Variants in ECE2 observed in about 807,000 individuals in gnomAD.
ECE2 encodes the protein endothelin-converting enzyme 2.
Under a neutral mutation model 100.6 loss-of-function variants are expected in ECE2, and 81 were observed. The ratio of observed to expected loss-of-function variants is 0.81; its 90% confidence interval spans 0.67 to 0.97. The LOEUF (loss-of-function observed/expected upper bound fraction) is 0.97. Among genes scored for constraint, ECE2 ranks in the 50% least tolerant of loss-of-function variants. ECE2 has a pLI of 0.00. For synonymous variants in ECE2, 391 were observed against 391.5 expected, an observed-to-expected ratio of 1.00 and a Z score of 0.02; for missense variants, 911 against 988.1, an observed-to-expected ratio of 0.92 and a Z score of 1.05.
intron 7 of ECE2, among the ~76,000 whole-genome samples, chr3:184,279,648 C>T (rs1381556943): frequency 1.8e-5 from 2 of 114,158 alleles, no homozygotes; most frequent in African/African-American, 6.7e-5. Context: ...CAGAACAAGA[C>T]TTCATCTCAA....
In ECE2 at chr3:184,289,102, C is replaced by A. The variant is rs1231060392; in HGVS notation, c.1375-335C>A. On this transcript the variant is annotated intron_variant, in intron 11 of 18. Transcript: ENST00000404464. The surrounding 1 kb of genome is among the most constrained non-coding windows in gnomAD (Gnocchi z 4.1). Reference sequence around the variant, plus strand: ...CTCGGGAGGCGGAGGTTGCAGTGAGCCGAGATTGCGCCACTGCACTCCATC... The same window carrying A: ...CTCGGGAGGCGGAGGTTGCAGTGAGACGAGATTGCGCCACTGCACTCCATC... Among the ~76,000 whole-genome samples, 2 of 151,610 alleles carry A rather than the reference C, an allele frequency of 1.3e-5. No individual in the cohort carries two copies.
chr3:184,287,853 G>A lies in ECE2; in HGVS notation c.1280G>A (p.Trp427Ter), dbSNP rs532767470. ...YGTKKSCVPRWQTCISNTDDA... is the reference protein window; with the variant it reads ...YGTKKSCVPR Reference sequence around the variant, plus strand: ...CTTTAACAGTCCTGTGTGCCGAGGTGGCAGACCTGCATCTCCAACACGGAT... The same window carrying A: ...CTTTAACAGTCCTGTGTGCCGAGGTAGCAGACCTGCATCTCCAACACGGAT... Residue 427 changes from tryptophan (W) to a stop codon, truncating the protein, a stop_gained, in exon 11 of 19, where the codon TGG becomes TAG. Coordinates refer to ENST00000404464, the MANE Select transcript of ECE2 (RefSeq NM_001100121.2). LOFTEE classifies it high-confidence loss of function. The A allele has an allele frequency of 6.2e-7, 1 of 1,614,132 alleles. No individual in the cohort carries two copies. Among genetic ancestry groups the A allele is most frequent in the Admixed American group, 1.7e-5 (1 of 60,010 alleles).
At position 184,291,838 on chromosome 3, in the gene ECE2, C is replaced by A; in HGVS notation, c.2122-224C>A. The A allele has an allele frequency of 1.7e-6, 1 of 580,436 alleles. No individual in the cohort carries two copies. The highest frequency in any genetic ancestry group is 3.0e-6 in the Non-Finnish European group (1 of 330,630). The allele number at this position is 580,436 out of a possible 1,614,324, so 36.0% of individuals were successfully genotyped here. ...TAGAGTAAGTGGCAGAGCAAGGACCCAGGCAGAGCCTCCGCTGGGCAGCCA... is the reference window on the plus strand; with the variant it reads ...TAGAGTAAGTGGCAGAGCAAGGACCAAGGCAGAGCCTCCGCTGGGCAGCCA... On this transcript the variant is annotated intron_variant, in intron 18 of 18. Transcript: ENST00000404464. This position sits in a 1 kb window ranked among gnomAD's most constrained non-coding sequence, Gnocchi z 4.1.
chr3:184,284,929 C>G (rs766791124), intron 8 of ECE2, 34 bp from the exon 9 acceptor site: 1 of 1,603,712 alleles, frequency 6.2e-7, no homozygotes, highest in Non-Finnish European at 8.5e-7. Flanking sequence ...GGAAGCGAGT[C>G]GGGCAGGCAA....
chr3:184,278,389 C>T, intron 6 of ECE2, 76 bp downstream of exon 6: 1 of 1,588,228 alleles, frequency 6.3e-7, no homozygotes, highest in Non-Finnish European at 8.6e-7. Flanking sequence ...CTGTGACAGG[C>T]AGGCTGGGCT....
rs550134134 is a variant in ECE2, at chr3:184,283,188, T to C, written c.817-597T>C. 2.6e-5 allele frequency among the ~76,000 whole-genome samples: 4 copies of C among 152,222 alleles called. No homozygotes were observed. The South Asian group carries it at 8.3e-4, about 32-fold the overall frequency. On this transcript the variant is annotated intron_variant, in intron 7 of 18. Transcript: ENST00000404464. ...TCTAGTCCCTAGAGACAGCAGTGAG[T>C]AAGCTGCTGTAACTTGGAACAATGC... is the stretch of plus-strand genomic sequence containing the variant.
At chr3:184,277,103 T>A in intron 3 of ECE2, 76 bp downstream of exon 3, 1 of 1,604,600 alleles carries the variant, frequency 6.2e-7, no homozygotes, top group Middle Eastern at 1.7e-4. Flanking sequence ...AGATTTTCAC[T>A]TGTGGGAACC....
At chr3:184,290,487 G>T in intron 14 of ECE2, 70 bp from the exon 15 acceptor site, 1 of 1,571,042 alleles carries the variant, frequency 6.4e-7, no homozygotes, top group Non-Finnish European at 8.7e-7. Context: ...AGGAGGTAGG[G>T]CAGGGCTGTT....
chr3:184,285,410 G>A lies in ECE2; in HGVS notation c.1149-68G>A. On this transcript the variant is annotated intron_variant, in intron 9 of 18. Transcript: ENST00000404464. ...GACTCCTGCAACTTGCATGTTCCTG[G>A]GGGCTGGTTTGAGGGGTGTGAAGGG... 4.0e-6 allele frequency: 5 copies of A among 1,244,150 alleles called. No individual in the cohort carries two copies. The South Asian group carries it at 6.0e-5, about 15-fold the overall frequency. 77.1% of individuals were successfully genotyped at this position (1,244,150 alleles called of 1,614,324 possible).
At position 184,291,387 on chromosome 3, in the gene ECE2, T is replaced by C. The variant is rs1482834826; in HGVS notation, c.2069T>C (p.Leu690Pro). 3 of 1,608,548 alleles carry C rather than the reference T, an allele frequency of 1.9e-6. No homozygotes were observed. In the African/African-American group the frequency reaches 4.0e-5, roughly 21 times the overall value. Residue 690 changes from leucine (L) to proline (P), a missense_variant, in exon 18 of 19, where the codon CTG (leucine) becomes CCG (proline). Coordinates refer to ENST00000404464, the MANE Select transcript of ECE2 (RefSeq NM_001100121.2). This position sits in a 1 kb window ranked among gnomAD's most constrained non-coding sequence, Gnocchi z 4.1. The stretch of plus-strand genomic sequence containing the variant: ...AGAAAGCATGGGGAGGAGCAGCAAC[T>C]GCCAGCCGTGGGGCTCACCAACCAC... ...WLRKHGEEQQ[L>P]PAVGLTNHQL...
At chr3:184,287,699 A>G in intron 10 of ECE2, 138 bp from the exon 11 acceptor site, 1 of 682,694 alleles carries the variant, frequency 1.5e-6, no homozygotes, top group Non-Finnish European at 2.5e-6. Flanking sequence ...TGTCTCAAAA[A>G]AAGACAGATG....
intron 7 of ECE2, among the ~76,000 whole-genome samples, chr3:184,281,261 C>T (rs150564554): frequency 7.9e-5 from 12 of 152,314 alleles, no homozygotes; most frequent in Non-Finnish European, 1.3e-4. Context: ...TAAAACAGTT[C>T]GCTACACAGT....
chr3:184,291,375 A>G lies in ECE2; in HGVS notation c.2057A>G (p.Glu686Gly), dbSNP rs1211927147. ...AYKAWLRKHG[E>G]EQQLPAVGLT... ...AAAGCATGGCTGAGAAAGCATGGGG[A>G]GGAGCAGCAACTGCCAGCCGTGGGG... The change falls in exon 18 of 19, where the codon GAG becomes GGG. Residue 686 changes from glutamate to glycine, a missense_variant. Physicochemically the swap from Glu to Gly is moderately conservative, Grantham distance 98 (BLOSUM62 -2). Transcript: ENST00000404464. This position sits in a 1 kb window ranked among gnomAD's most constrained non-coding sequence, Gnocchi z 4.1. 7 of 1,608,986 alleles carry G rather than the reference A, an allele frequency of 4.4e-6. No homozygotes were observed. Among genetic ancestry groups the G allele is most frequent in the Non-Finnish European group, 5.9e-6 (7 of 1,177,374 alleles).
intron 7 of ECE2, among the ~76,000 whole-genome samples, chr3:184,281,754 C>T (rs1720821807): frequency 6.6e-6 from 1 of 152,200 alleles, no homozygotes; most frequent in Non-Finnish European, 1.5e-5. Context: ...AGGAAGCCTC[C>T]TGTGCTGGGA....
At chr3:184,288,143 T>C (rs1024935637) in intron 11 of ECE2, among the ~76,000 whole-genome samples, 196 bp downstream of exon 11, 1 of 151,916 alleles carries the variant, frequency 6.6e-6, no homozygotes, top group Non-Finnish European at 1.5e-5. Context: ...ACCTGGTCTC[T>C]ACTAAAAATA....
chr3:184,291,279 G>T lies in ECE2; in HGVS notation c.2025+49G>T, dbSNP rs770034168. 3.1e-6 allele frequency: 5 copies of T among 1,594,566 alleles called. No homozygotes were observed. The East Asian group carries it at 9.0e-5, about 29-fold the overall frequency. ...AGCGGCTGAGGCCTGCTGGCCTGGG[G>T]TGAAAGGTGCCGGGTGGGTGGGGGC... On this transcript the variant is annotated intron_variant, in intron 17 of 18. Transcript: ENST00000404464. The surrounding 1 kb of genome is among the most constrained non-coding windows in gnomAD (Gnocchi z 4.1).
Position 184,292,615 on chromosome 3 carries a change from A to C in ECE2, c.*377A>C. ...TGTGACCCACAGGCCTGGGTGGTGT[A>C]CCTCCTGGACTTCTCCCCAGGCTCA... On this transcript the variant is annotated 3_prime_UTR_variant, in exon 19 of 19. Coordinates refer to ENST00000404464, the MANE Select transcript of ECE2 (RefSeq NM_001100121.2). 1 of 258,114 alleles carries C rather than the reference A, an allele frequency of 3.9e-6. No homozygotes were observed. The highest frequency in any genetic ancestry group is 7.6e-6 in the Non-Finnish European group (1 of 131,332). The allele number at this position is 258,114 out of a possible 1,614,324, so 16.0% of individuals were successfully genotyped here.
intron 8 of ECE2, 118 bp from the exon 9 acceptor site, chr3:184,284,845 T>A (rs948679262): frequency 1.8e-5 from 24 of 1,355,762 alleles, no homozygotes; most frequent in Non-Finnish European, 2.3e-5. Flanking sequence ...GGATACACCA[T>A]GAAGCCAGTA....
At position 184,291,233 on chromosome 3, in the gene ECE2, G is replaced by A. The variant is rs897197671; in HGVS notation, c.2025+3G>A. The A allele has an allele frequency of 7.5e-6, 12 of 1,610,132 alleles. No homozygotes were observed. The highest frequency in any genetic ancestry group is 1.7e-4 in the Middle Eastern group (1 of 6,050). ...GGGGGCTGAAGGCTGCCTACAATGT[G>A]AGTGGCCTGACCAGCCCTCCAGCGG... On this transcript the variant is annotated splice_donor_region_variant and intron_variant, in intron 17 of 18. Transcript: ENST00000404464. This position sits in a 1 kb window ranked among gnomAD's most constrained non-coding sequence, Gnocchi z 4.1.
Sources: gnomAD v4.1 joint callset for allele counts (sites outside exome capture counted in the v4.1 genomes callset) on GRCh38, gnomAD v4.1.1 for gene constraint, Gnocchi (gnomAD v3.1) non-coding constraint, MANE v1.5 for transcripts, NCBI Gene and HGNC (gene_info 2026-07-23, HGNC 2026-07-21) for gene names.